GAS2: variants seen among roughly 807,000 people sequenced by gnomAD.
GAS2 encodes growth arrest specific 2, also known as growth arrest-specific protein 2.
A neutral mutation model predicts 37.5 loss-of-function variants in GAS2; 20 were observed. The ratio of observed to expected loss-of-function variants is 0.53; its 90% CI spans 0.37 to 0.77. GAS2 has a LOEUF of 0.77. Among genes scored for constraint, GAS2 ranks in the 30% least tolerant of loss-of-function variants. The probability of loss-of-function intolerance (pLI) is 0.00; values close to 1 mark genes in which losing one functional copy is unlikely to be tolerated. For missense variants in GAS2, 336 were observed against 373.4 expected (o/e 0.90, Z 0.82); for synonymous variants, 144 against 132.2 (o/e 1.09, Z -0.61).
chr11:22,779,436 G>C (rs1312211397), intron 7 of GAS2, among the ~76,000 whole-genome samples: 1 of 152,138 alleles, frequency 6.6e-6, no homozygotes, highest in Non-Finnish European at 1.5e-5. Flanking sequence ...GGTGGCTCAC[G>C]CCTGTAATCC....
At chr11:22,764,289 G>A (rs1285556624) in intron 7 of GAS2, among the ~76,000 whole-genome samples, 2 of 152,052 alleles carry the variant, frequency 1.3e-5, no homozygotes, top group Non-Finnish European at 2.9e-5. Flanking sequence ...GGCCGGGCAC[G>A]GCGGATCATG....
intron 1 of GAS2, among the ~76,000 whole-genome samples, chr11:22,627,500 A>C (rs970450203): frequency 6.6e-6 from 1 of 152,206 alleles, no homozygotes; most frequent in South Asian, 2.1e-4. Context: ...GCAGTGGCTT[A>C]TGCCTGTAAT....
At chr11:22,749,408 C>A in intron 6 of GAS2, 147 bp downstream of exon 6, 1 of 666,004 alleles carries the variant, frequency 1.5e-6, no homozygotes, top group Non-Finnish European at 2.4e-6. Flanking sequence ...ACTTTGTAGT[C>A]CTACAATTCA....
chr11:22,707,034 G>C (rs917084801), intron 3 of GAS2, among the ~76,000 whole-genome samples: 1 of 152,074 alleles, frequency 6.6e-6, no homozygotes, highest in African/African-American at 2.4e-5. Context: ...ATTCTAACTG[G>C]TGTGAGATGG....
chr11:22,677,985 A>G (rs912704439), intron 2 of GAS2, among the ~76,000 whole-genome samples: 1 of 152,170 alleles, frequency 6.6e-6, no homozygotes, highest in Admixed American at 6.5e-5. Flanking sequence ...TTTTTTTTCA[A>G]ATTAAGACTT....
intron 1 of GAS2, among the ~76,000 whole-genome samples, chr11:22,648,398 G>T (rs1424156710): frequency 7.9e-5 from 12 of 152,184 alleles, no homozygotes; most frequent in African/African-American, 2.9e-4. Context: ...GATTGACTTG[G>T]TGATGCGGGC....
chr11:22,785,509 A>G (rs1855779020), intron 7 of GAS2, among the ~76,000 whole-genome samples: 1 of 152,186 alleles, frequency 6.6e-6, no homozygotes, highest in Non-Finnish European at 1.5e-5. Flanking sequence ...TACAGAACAG[A>G]ATAATGTATG....
intron 7 of GAS2, 46 bp from the exon 8 acceptor site, chr11:22,811,752 G>GT (rs746343747): frequency 7.7e-6 from 12 of 1,568,152 alleles, no homozygotes; most frequent in Non-Finnish European, 9.7e-6. Flanking sequence ...TCAAGGTACT[G>GT]TAAGAATTCT....
chr11:22,788,396 G>C (rs983392319), intron 7 of GAS2, among the ~76,000 whole-genome samples: 9 of 152,126 alleles, frequency 5.9e-5, no homozygotes, highest in African/African-American at 2.2e-4. Flanking sequence ...ATGATTCCTT[G>C]TTTGGGGCCT....
At chr11:22,646,907 T>C (rs1386983424) in intron 1 of GAS2, among the ~76,000 whole-genome samples, 1 of 146,300 alleles carries the variant, frequency 6.8e-6, no homozygotes, top group Non-Finnish European at 1.6e-5. Flanking sequence ...CTTTCCTTCT[T>C]TCTTTCTTTT....
intron 1 of GAS2, among the ~76,000 whole-genome samples, chr11:22,645,520 TAC>T (rs375060682): frequency 2.7e-5 from 4 of 150,378 alleles, no homozygotes; most frequent in Admixed American, 6.6e-5. Context: ...TATATATATA[TAC>T]ACACACACAC....
chr11:22,691,986 G>A (rs150285627), intron 3 of GAS2, among the ~76,000 whole-genome samples: 3 of 152,052 alleles, frequency 2.0e-5, no homozygotes, highest in Middle Eastern at 3.4e-3. Context: ...TCCACTGAGA[G>A]TTTCTGTTCT....
At chr11:22,710,392 T>A (rs896406870) in intron 3 of GAS2, among the ~76,000 whole-genome samples, 1 of 152,010 alleles carries the variant, frequency 6.6e-6, no homozygotes, top group South Asian at 2.1e-4. Flanking sequence ...AATTCACAAT[T>A]TGCTGCCAAC....
intron 6 of GAS2, among the ~76,000 whole-genome samples, chr11:22,751,383 T>C (rs1853719033): frequency 6.6e-6 from 1 of 152,032 alleles, no homozygotes; most frequent in African/African-American, 2.4e-5. Flanking sequence ...CATTCCTTGG[T>C]GCTGCCAAGT....
intron 3 of GAS2, among the ~76,000 whole-genome samples, chr11:22,700,562 T>C (rs1203002924): frequency 1.3e-5 from 2 of 152,202 alleles, no homozygotes; most frequent in Non-Finnish European, 2.9e-5. Context: ...TTAAACTAGT[T>C]AAGAAAAAGT....
At chr11:22,706,719 T>C (rs1851141464) in intron 3 of GAS2, among the ~76,000 whole-genome samples, 1 of 152,202 alleles carries the variant, frequency 6.6e-6, no homozygotes, top group South Asian at 2.1e-4. Flanking sequence ...CACATTTTCT[T>C]AATCCAGTCT....
intron 3 of GAS2, among the ~76,000 whole-genome samples, chr11:22,722,907 T>C (rs566551646): frequency 1.3e-5 from 2 of 151,914 alleles, no homozygotes; most frequent in Non-Finnish European, 2.9e-5. Flanking sequence ...AATTAAGCAG[T>C]TAGTTAATGG....
chr11:22,688,198 TTAA>T (rs1465202623), intron 3 of GAS2, among the ~76,000 whole-genome samples: 32 of 152,202 alleles, frequency 2.1e-4, no homozygotes, highest in African/African-American at 7.5e-4. Context: ...TGAAATAGGA[TTAA>T]TAATTACATA....
At chr11:22,699,215 T>C (rs1409622883) in intron 3 of GAS2, among the ~76,000 whole-genome samples, 2 of 152,150 alleles carry the variant, frequency 1.3e-5, no homozygotes, top group Admixed American at 1.3e-4. Flanking sequence ...AAAAGATGAA[T>C]TTATTGAGAT....
Sources: allele counts gnomAD v4.1 joint callset (sites outside exome capture counted in the v4.1 genomes callset), GRCh38; gene constraint gnomAD v4.1.1; transcripts MANE v1.5; gene names NCBI Gene and HGNC (gene_info 2026-07-23, HGNC 2026-07-21).